PDGFD: variants seen among roughly 807,000 people sequenced by gnomAD.
PDGFD encodes the protein platelet-derived growth factor D.
Under a neutral mutation model 44.7 loss-of-function variants are expected in PDGFD, and 30 were observed. That is an observed-to-expected ratio of 0.67 (90% confidence interval 0.50 to 0.91). The LOEUF is 0.91. PDGFD is among the 40% of genes least tolerant of loss of function. The probability of loss-of-function intolerance (pLI) is 0.00; values close to 1 mark genes in which losing one functional copy is unlikely to be tolerated. For synonymous variants in PDGFD, 173 were observed against 168.4 expected, an observed-to-expected ratio of 1.03 and a Z score of -0.21; for missense variants, 445 against 457.8, an observed-to-expected ratio of 0.97 and a Z score of 0.25.
intron 1 of PDGFD, among the ~76,000 whole-genome samples, chr11:104,137,047 C>CA (rs112932835): frequency 0.13 from 19,802 of 152,138 alleles, 1,419 homozygotes; most frequent in East Asian, 0.29. Context: ...TCCAGAGCCC[C>CA]TCCTTCCTGG....
chr11:104,155,358 G>A (rs1020623572), intron 1 of PDGFD, among the ~76,000 whole-genome samples: 6 of 151,992 alleles, frequency 3.9e-5, no homozygotes, highest in Non-Finnish European at 7.4e-5. Flanking sequence ...GGCAATATAC[G>A]GAGACAGATT....
chr11:104,085,760 T>G (rs1047085980), intron 1 of PDGFD, among the ~76,000 whole-genome samples: 6 of 152,210 alleles, frequency 3.9e-5, no homozygotes, highest in Admixed American at 6.5e-5. Context: ...TTCTCATATC[T>G]CCTTCTGCAT....
At chr11:104,052,734 C>G (rs916235655) in intron 1 of PDGFD, among the ~76,000 whole-genome samples, 1 of 152,156 alleles carries the variant, frequency 6.6e-6, no homozygotes, top group Admixed American at 6.6e-5. Context: ...TGTTTCTAAA[C>G]TGATACCCTC....
chr11:103,924,157 A>G (rs2134308417), intron 6 of PDGFD, among the ~76,000 whole-genome samples: 1 of 152,264 alleles, frequency 6.6e-6, no homozygotes, highest in South Asian at 2.1e-4. Flanking sequence ...ACAATAAGTA[A>G]TTTTTTAAAT....
chr11:103,929,436 A>G (rs1268833734), intron 5 of PDGFD, among the ~76,000 whole-genome samples: 4 of 152,194 alleles, frequency 2.6e-5, no homozygotes, highest in Non-Finnish European at 5.9e-5. Flanking sequence ...AGGAATTCCA[A>G]TAAACTCCAA....
intron 3 of PDGFD, among the ~76,000 whole-genome samples, chr11:103,973,001 T>C (rs961032553): frequency 3.9e-5 from 6 of 152,202 alleles, no homozygotes; most frequent in African/African-American, 1.4e-4. Context: ...CACCAGGGTC[T>C]AACAATACAG....
chr11:104,096,954 C>A (rs540492766), intron 1 of PDGFD, among the ~76,000 whole-genome samples: 3 of 152,246 alleles, frequency 2.0e-5, no homozygotes, highest in African/African-American at 7.2e-5. Context: ...AGTGAGGTCA[C>A]TATTTATTAC....
intron 1 of PDGFD, among the ~76,000 whole-genome samples, chr11:104,146,856 T>C (rs1035215465): frequency 7.9e-5 from 12 of 151,938 alleles, no homozygotes; most frequent in Non-Finnish European, 1.5e-4. Flanking sequence ...TAAAAAAGGA[T>C]ACAGTAGGGA....
intron 3 of PDGFD, among the ~76,000 whole-genome samples, chr11:103,963,572 G>A (rs1418169519): frequency 1.3e-5 from 2 of 152,072 alleles, no homozygotes; most frequent in Non-Finnish European, 2.9e-5. Context: ...CCTACCCATT[G>A]CTAGTACTGT....
intron 1 of PDGFD, among the ~76,000 whole-genome samples, chr11:104,112,484 A>G (rs1043888165): frequency 3.3e-5 from 5 of 152,082 alleles, no homozygotes; most frequent in African/African-American, 1.2e-4. Context: ...AGACATCAAG[A>G]CAGAAATACC....
At chr11:103,932,848 T>C (rs1264079410) in intron 5 of PDGFD, among the ~76,000 whole-genome samples, 2 of 152,238 alleles carry the variant, frequency 1.3e-5, no homozygotes, top group Non-Finnish European at 2.9e-5. Context: ...TAGAGTATTA[T>C]TAATACTTTA....
chr11:104,124,591 C>A (rs1861817651), intron 1 of PDGFD, among the ~76,000 whole-genome samples: 2 of 151,998 alleles, frequency 1.3e-5, no homozygotes, highest in Non-Finnish European at 1.5e-5. Flanking sequence ...TTTTCCTTAT[C>A]CAAGTGTCTA....
rs367741365 is a variant in PDGFD, at chr11:103,952,130, C to A, written c.511-4406G>T. 5.3e-5 allele frequency among the ~76,000 whole-genome samples: 8 copies of A among 152,154 alleles called. No individual in the cohort carries two copies. In the East Asian group the frequency reaches 1.5e-3, roughly 29 times the overall value. On this transcript the variant is annotated intron_variant, in intron 3 of 6. Transcript: ENST00000393158. ...TATATACCCTTAATATTATCCTGAG[C>A]AGACTGCTTGATTTTCAACCTCCAG...
intron 1 of PDGFD, among the ~76,000 whole-genome samples, chr11:104,120,653 T>C (rs914811039): frequency 1.3e-5 from 2 of 151,976 alleles, no homozygotes; most frequent in African/African-American, 4.8e-5. Context: ...TGGCACAATA[T>C]CTTCCCATTC....
chr11:104,002,856 T>C (rs1331563906), intron 1 of PDGFD, among the ~76,000 whole-genome samples: 3 of 152,314 alleles, frequency 2.0e-5, no homozygotes, highest in Admixed American at 6.5e-5. Context: ...ATAATGTAAA[T>C]GGCAAGCAGC....
At chr11:104,002,763 G>C (rs2046685) in intron 1 of PDGFD, among the ~76,000 whole-genome samples, 44,948 of 152,020 alleles carry the variant, frequency 0.3, 8,115 homozygotes, top group Admixed American at 0.48. Context: ...TGTGCCTCTA[G>C]TGCTATTAAT....
chr11:104,026,358 G>C (rs190708336), intron 1 of PDGFD, among the ~76,000 whole-genome samples: 1 of 152,010 alleles, frequency 6.6e-6, no homozygotes, highest in African/African-American at 2.4e-5. Context: ...GTGAGTAGAA[G>C]AAAATACTGG....
chr11:104,096,293 G>A (rs1861286799), intron 1 of PDGFD, among the ~76,000 whole-genome samples: 1 of 151,878 alleles, frequency 6.6e-6, no homozygotes, highest in Non-Finnish European at 1.5e-5. Flanking sequence ...TCACAACATG[G>A]CTAACAATTA....
chr11:103,909,908 T>C lies in PDGFD; in HGVS notation c.988-89A>G, dbSNP rs1041704490. On this transcript the variant is annotated intron_variant, in intron 6 of 6. Transcript: ENST00000393158. Reference sequence around the variant, plus strand: ...TACTTATTACCTTTTTGACAACTAGTTCTTAGCCCTTTGAGAACCCAACAG... The same window carrying C: ...TACTTATTACCTTTTTGACAACTAGCTCTTAGCCCTTTGAGAACCCAACAG... 4.6e-6 allele frequency: 7 copies of C among 1,516,210 alleles called. No individual in the cohort carries two copies. The African/African-American group carries it at 8.3e-5, about 18-fold the overall frequency. 93.9% of individuals were successfully genotyped at this position (1,516,210 alleles called of 1,614,324 possible).
Sources: allele counts gnomAD v4.1 joint callset (sites outside exome capture counted in the v4.1 genomes callset), GRCh38; gene constraint gnomAD v4.1.1; transcripts MANE v1.5; gene names NCBI Gene and HGNC (gene_info 2026-07-23, HGNC 2026-07-21).